MTURN: variants seen among roughly 807,000 people sequenced by gnomAD.
MTURN encodes maturin.
In MTURN, 7 loss-of-function variants were observed where a neutral mutation model predicts 14.9. The ratio of observed to expected loss-of-function variants is 0.47; its 90% CI spans 0.27 to 0.88. The LOEUF is 0.88. Ranked by LOEUF, MTURN falls within the 40% of genes least tolerant of loss-of-function variation. The probability of loss-of-function intolerance (pLI) is 0.14; values close to 1 mark genes in which losing one functional copy is unlikely to be tolerated. For missense variants in MTURN, 151 were observed against 174.1 expected, an observed-to-expected ratio of 0.87 and a Z score of 0.75; for synonymous variants, 69 against 72.5, an observed-to-expected ratio of 0.95 and a Z score of 0.25.
intron 2 of MTURN, among the ~76,000 whole-genome samples, chr7:30,156,170 G>A (rs1017226109): frequency 1.3e-5 from 2 of 152,216 alleles, no homozygotes; most frequent in Non-Finnish European, 2.9e-5. Flanking sequence ...CTAGCAAATG[G>A]CACTTGGTTT....
chr7:30,138,845 G>A (rs1013985300), intron 1 of MTURN, among the ~76,000 whole-genome samples: 1 of 152,086 alleles, frequency 6.6e-6, no homozygotes, highest in African/African-American at 2.4e-5. Context: ...GATGTGCCAA[G>A]CGCATTCCTG....
intron 1 of MTURN, among the ~76,000 whole-genome samples, chr7:30,139,729 C>T (rs534040576): frequency 5.9e-5 from 9 of 152,118 alleles, no homozygotes; most frequent in East Asian, 3.9e-4. Context: ...GTAAACAGGA[C>T]GCCTGTTTAT....
intron 1 of MTURN, 99 bp from the exon 2 acceptor site, chr7:30,146,078 G>T: frequency 6.3e-7 from 1 of 1,599,028 alleles, no homozygotes; most frequent in South Asian, 1.1e-5. Context: ...TCTTCAAATT[G>T]ATGTTATTAA....
Position 30,160,665 on chromosome 7 carries a change from A to G in MTURN, c.*3117A>G. On this transcript the variant is annotated 3_prime_UTR_variant, in exon 3 of 3. Transcript: ENST00000324453. ...TGGGCCAGCTCTGAAATCCAAAATC[A>G]TGCCTTGATAACATTACAAAACCGT... 6.6e-6 allele frequency: 1 copy of G among 152,288 alleles called. No individual in the cohort carries two copies. 9.4% of individuals were successfully genotyped at this position (152,288 alleles called of 1,614,324 possible). A position where few individuals can be genotyped will look rare whatever the true frequency, so the allele number is the denominator to read the frequency against.
intron 1 of MTURN, among the ~76,000 whole-genome samples, chr7:30,142,687 C>T (rs369482116): frequency 1.3e-4 from 20 of 152,298 alleles, no homozygotes; most frequent in African/African-American, 4.8e-4. Context: ...ACTCTGCCCC[C>T]CCAGCACGCA....
At chr7:30,145,743 G>C (rs1295074468) in intron 1 of MTURN, 1 of 1,286,452 alleles carries the variant, frequency 7.8e-7, no homozygotes, top group Non-Finnish European at 1.0e-6. Context: ...CTTGTTCCAA[G>C]TTAATGCTTA....
At chr7:30,144,636 A>C (rs1797102501) in intron 1 of MTURN, among the ~76,000 whole-genome samples, 1 of 152,228 alleles carries the variant, frequency 6.6e-6, no homozygotes, top group Non-Finnish European at 1.5e-5. Flanking sequence ...ACGTGTGTCG[A>C]AAATGGACCT....
At chr7:30,145,963 T>C in intron 1 of MTURN, 6 of 1,551,640 alleles carry the variant, frequency 3.9e-6, no homozygotes, top group South Asian at 1.2e-5. Flanking sequence ...AGGTGAGGTA[T>C]GGACCAAAAG....
At chr7:30,138,877 G>A (rs1039531525) in intron 1 of MTURN, among the ~76,000 whole-genome samples, 5 of 152,166 alleles carry the variant, frequency 3.3e-5, no homozygotes, top group Non-Finnish European at 5.9e-5. Flanking sequence ...TGGCACTTGC[G>A]TTCTGTCTGC....
At chr7:30,142,100 G>A (rs1436500661) in intron 1 of MTURN, among the ~76,000 whole-genome samples, 1 of 152,176 alleles carries the variant, frequency 6.6e-6, no homozygotes, top group East Asian at 1.9e-4. Flanking sequence ...TTTAATGACT[G>A]GAGACCACTT....
intron 1 of MTURN, chr7:30,137,442 T>C (rs1279256336): frequency 1.1e-5 from 4 of 366,338 alleles, no homozygotes; most frequent in African/African-American, 2.1e-5. Context: ...AGAAGTATTA[T>C]ATTATTTGTA....
intron 1 of MTURN, among the ~76,000 whole-genome samples, chr7:30,136,348 G>A (rs760090890): frequency 2.0e-5 from 3 of 152,214 alleles, no homozygotes; most frequent in African/African-American, 7.2e-5. Flanking sequence ...TGCTCATGAA[G>A]TGTTTCCAAG....
intron 2 of MTURN, among the ~76,000 whole-genome samples, chr7:30,156,198 A>C (rs182225531): frequency 6.6e-6 from 1 of 152,374 alleles, no homozygotes; most frequent in East Asian, 1.9e-4. Context: ...AAGACCAGCC[A>C]GTGCTTTAAA....
intron 2 of MTURN, among the ~76,000 whole-genome samples, chr7:30,148,231 G>T (rs1357263250): frequency 2.0e-5 from 3 of 152,222 alleles, no homozygotes; most frequent in Non-Finnish European, 4.4e-5. Context: ...TACAGAGTGG[G>T]CCATGAGAAA....
Position 30,145,922 on chromosome 7 carries a change from G to C in MTURN, c.163-255G>C, listed in dbSNP as rs139703186. 1.3e-4 allele frequency: 198 copies of C among 1,551,770 alleles called. 1 individual carries two copies. The African/African-American group carries it at 2.2e-3, about 17-fold the overall frequency. On this transcript the variant is annotated intron_variant, in intron 1 of 2. Transcript: ENST00000324453. ...ATGGCCACCCACTGCCCTCTTTACT[G>C]TGTAGGAGCAGATCTGATGATGAAC... is the stretch of plus-strand genomic sequence containing the variant.
chr7:30,144,787 G>A (rs908159720), intron 1 of MTURN, among the ~76,000 whole-genome samples: 1 of 152,138 alleles, frequency 6.6e-6, no homozygotes, highest in African/African-American at 2.4e-5. Context: ...GAGAGGAAAT[G>A]TGTTTATTGA....
At chr7:30,157,364 A>G (rs1276433993) in intron 2 of MTURN, 74 bp from the exon 3 acceptor site, 1 of 1,287,644 alleles carries the variant, frequency 7.8e-7, no homozygotes. Context: ...TGTGGATCCG[A>G]TGCCTTTGGT....
intron 2 of MTURN, among the ~76,000 whole-genome samples, chr7:30,146,592 TC>T (rs1797134390): frequency 6.6e-6 from 1 of 152,130 alleles, no homozygotes; most frequent in Non-Finnish European, 1.5e-5. Flanking sequence ...AACTGAGTGT[TC>T]CTGTTCTCCT....
chr7:30,146,052 T>C, intron 1 of MTURN, 125 bp from the exon 2 acceptor site: 1 of 1,591,670 alleles, frequency 6.3e-7, no homozygotes, highest in Admixed American at 1.8e-5. Context: ...TGAATTTTAC[T>C]GTAGAATGGA....
Sources: gnomAD v4.1 joint callset for allele counts (sites outside exome capture counted in the v4.1 genomes callset) on GRCh38, gnomAD v4.1.1 for gene constraint, MANE v1.5 for transcripts, NCBI Gene and HGNC (gene_info 2026-07-23, HGNC 2026-07-21) for gene names.